Variants in AKIRIN2 observed in about 807,000 individuals in gnomAD.
AKIRIN2 encodes the protein akirin-2.
A neutral mutation model predicts 29.3 loss-of-function variants in AKIRIN2; 6 were observed. The observed-to-expected ratio is 0.20, with a 90% CI of 0.11 to 0.40. The LOEUF (loss-of-function observed/expected upper bound fraction) is 0.40. Among genes scored for constraint, AKIRIN2 ranks in the 10% least tolerant of loss-of-function variants. The probability of loss-of-function intolerance (pLI) is 1.00; values close to 1 mark genes in which losing one functional copy is unlikely to be tolerated. For synonymous variants in AKIRIN2, 128 were observed against 117.5 expected, an observed-to-expected ratio of 1.09 and a Z score of -0.58; for missense variants, 210 against 276.1, an observed-to-expected ratio of 0.76 and a Z score of 1.70.
At chr6:87,686,465 G>T (rs1228720193) in intron 1 of AKIRIN2, among the ~76,000 whole-genome samples, 2 of 152,064 alleles carry the variant, frequency 1.3e-5, no homozygotes, top group East Asian at 3.9e-4. Context: ...CAAAGGAAGG[G>T]AGGTGGGGTG....
rs1562402534 is a variant in AKIRIN2, at chr6:87,701,453, T to TG, written c.231dup (p.Thr78HisfsTer13). ...CGGCCGCGGGGCCGGGTCCCACCTGTGGTGAGGCGGGAGGAGACGTCGCCG... is the reference window on the plus strand; with the variant it reads ...CGGCCGCGGGGCCGGGTCCCACCTGTGGGTGAGGCGGGAGGAGACGTCGCCG... On this transcript the variant is annotated frameshift_variant, in exon 1 of 5. Transcript: ENST00000257787. LOFTEE classifies it high-confidence loss of function. The TG allele has an allele frequency of 6.5e-7, 1 of 1,530,022 alleles. No homozygotes were observed. Among genetic ancestry groups the TG allele is most frequent in the East Asian group, 2.6e-5 (1 of 38,336 alleles). The allele number at this position is 1,530,022 out of a possible 1,614,324, so 94.8% of individuals were successfully genotyped here. A position where few individuals can be genotyped will look rare whatever the true frequency, so the allele number is the denominator to read the frequency against.
chr6:87,689,393 G>A (rs1026997003), intron 1 of AKIRIN2, among the ~76,000 whole-genome samples: 2 of 151,964 alleles, frequency 1.3e-5, no homozygotes, highest in African/African-American at 4.8e-5. Flanking sequence ...AATCCCAATC[G>A]CTTAAACCTC....
chr6:87,679,122 T>G (rs1771075502), intron 2 of AKIRIN2, among the ~76,000 whole-genome samples: 4 of 113,310 alleles, frequency 3.5e-5, no homozygotes, highest in African/African-American at 8.1e-5. Context: ...GCAACAAGAG[T>G]GAAACTTCAT....
intron 1 of AKIRIN2, among the ~76,000 whole-genome samples, chr6:87,689,357 A>C (rs1771240967): frequency 2.0e-5 from 3 of 152,314 alleles, no homozygotes; most frequent in Admixed American, 2.0e-4. Flanking sequence ...CAAAAAAATT[A>C]GCCAGGCAAG....
chr6:87,675,987 T>A (rs1308124368), intron 3 of AKIRIN2, 56 bp from the exon 4 acceptor site: 4 of 1,468,544 alleles, frequency 2.7e-6, no homozygotes, highest in African/African-American at 2.8e-5. Flanking sequence ...TAGAGCCAGA[T>A]AAACTGAAAA....
chr6:87,679,032 G>A (rs1771073657), intron 2 of AKIRIN2, among the ~76,000 whole-genome samples: 1 of 151,818 alleles, frequency 6.6e-6, no homozygotes, highest in Admixed American at 6.6e-5. Flanking sequence ...CTACTTAGGA[G>A]GCTGAGGCAG....
intron 1 of AKIRIN2, among the ~76,000 whole-genome samples, chr6:87,682,479 T>C (rs1467329166): frequency 6.6e-6 from 1 of 152,136 alleles, no homozygotes; most frequent in African/African-American, 2.4e-5. Context: ...TGAGTAAAAT[T>C]ATATCTGGCA....
At chr6:87,697,377 A>G (rs1275729657) in intron 1 of AKIRIN2, among the ~76,000 whole-genome samples, 5 of 152,126 alleles carry the variant, frequency 3.3e-5, no homozygotes, top group African/African-American at 1.2e-4. Flanking sequence ...ATAAACTTAC[A>G]GGATTCTTAA....
intron 1 of AKIRIN2, among the ~76,000 whole-genome samples, chr6:87,687,350 C>G (rs552945093): frequency 6.8e-6 from 1 of 147,732 alleles, no homozygotes; most frequent in African/African-American, 2.5e-5. Flanking sequence ...CGAGACCAGC[C>G]TGACCAACTC....
At chr6:87,695,408 A>G (rs1771344359) in intron 1 of AKIRIN2, among the ~76,000 whole-genome samples, 1 of 152,208 alleles carries the variant, frequency 6.6e-6, no homozygotes, top group South Asian at 2.1e-4. Flanking sequence ...TTTTCCAACC[A>G]TAGCAACTCT....
At chr6:87,682,231 A>G (rs936183563) in intron 1 of AKIRIN2, among the ~76,000 whole-genome samples, 5 of 152,226 alleles carry the variant, frequency 3.3e-5, no homozygotes, top group African/African-American at 1.2e-4. Context: ...GTCTGAAGTG[A>G]TAATAGGTCA....
intron 1 of AKIRIN2, among the ~76,000 whole-genome samples, chr6:87,691,040 T>C (rs1291582445): frequency 1.3e-5 from 2 of 152,164 alleles, no homozygotes; most frequent in Non-Finnish European, 2.9e-5. Flanking sequence ...ACATCTCTTA[T>C]TTATCCCATG....
At chr6:87,676,355 A>G (rs975596254) in intron 3 of AKIRIN2, among the ~76,000 whole-genome samples, 1 of 145,980 alleles carries the variant, frequency 6.9e-6, no homozygotes, top group African/African-American at 2.6e-5. Flanking sequence ...AGTCCCAACT[A>G]CTCGGGAGGC....
intron 3 of AKIRIN2, among the ~76,000 whole-genome samples, chr6:87,677,167 G>C (rs183562080): frequency 1.3e-5 from 2 of 151,890 alleles, no homozygotes; most frequent in East Asian, 1.9e-4. Context: ...TCTATGAATG[G>C]CAACTGACTG....
In AKIRIN2 at chr6:87,676,596, A is replaced by AACACACGCACGCGCGCACACAC. The variant is rs1485678233; in HGVS notation, c.530-666_530-665insGTGTGTGCGCGCGTGCGTGTGT. On this transcript the variant is annotated intron_variant, in intron 3 of 4. Transcript: ENST00000257787. Reference sequence around the variant, plus strand: ...ATGGTGAAACCCCGTCTCTACTAAAAACACACACACACACACACACACACA... The same window carrying AACACACGCACGCGCGCACACAC: ...ATGGTGAAACCCCGTCTCTACTAAAAACACACGCACGCGCGCACACACACACACACACACACACACACACACA... 7.4e-3 allele frequency among the ~76,000 whole-genome samples: 1,057 copies of AACACACGCACGCGCGCACACAC among 142,140 alleles called. 17 individuals are homozygous for AACACACGCACGCGCGCACACAC. The highest frequency in any genetic ancestry group is 0.027 in the African/African-American group (1,016 of 37,048). 93.2% of individuals were successfully genotyped at this position (142,140 alleles called of 152,430 possible).
intron 1 of AKIRIN2, among the ~76,000 whole-genome samples, chr6:87,698,445 T>C (rs757210177): frequency 6.6e-6 from 1 of 152,090 alleles, no homozygotes; most frequent in Non-Finnish European, 1.5e-5. Context: ...GAAATTTGAA[T>C]TTCACATAAT....
intron 1 of AKIRIN2, among the ~76,000 whole-genome samples, chr6:87,693,467 C>T (rs973810155): frequency 2.6e-5 from 4 of 152,086 alleles, no homozygotes; most frequent in East Asian, 1.9e-4. Context: ...CGGTGGCTCA[C>T]GCCTGTAATC....
At chr6:87,689,140 T>C (rs79012153) in intron 1 of AKIRIN2, among the ~76,000 whole-genome samples, 2,496 of 152,216 alleles carry the variant, frequency 0.016, 73 homozygotes, top group African/African-American at 0.055. Context: ...AGGACTCCAG[T>C]ACACCACGAT....
chr6:87,675,949 T>C lies in AKIRIN2; in HGVS notation c.530-18A>G. 6.3e-7 allele frequency: 1 copy of C among 1,597,576 alleles called. No homozygotes were observed. Among genetic ancestry groups the C allele is most frequent in the Non-Finnish European group, 8.5e-7 (1 of 1,172,042 alleles). On this transcript the variant is annotated intron_variant, in intron 3 of 4. Coordinates refer to ENST00000257787, the MANE Select transcript of AKIRIN2 (RefSeq NM_018064.4). Reference sequence around the variant, plus strand: ...ATATTGTTCTATAAATAAAGGTACTTGTCAATTACATTTGTAAAATGCCTT... The same window carrying C: ...ATATTGTTCTATAAATAAAGGTACTCGTCAATTACATTTGTAAAATGCCTT...
Sources: gnomAD v4.1 joint callset for allele counts (sites outside exome capture counted in the v4.1 genomes callset) on GRCh38, gnomAD v4.1.1 for gene constraint, MANE v1.5 for transcripts, NCBI Gene and HGNC (gene_info 2026-07-23, HGNC 2026-07-21) for gene names.